HCN1: variants seen among roughly 807,000 people sequenced by gnomAD.
HCN1 encodes potassium/sodium hyperpolarization-activated cyclic nucleotide-gated channel 1.
In HCN1, 13 loss-of-function variants were observed where a neutral mutation model predicts 78.9. That is an observed-to-expected ratio of 0.16 (90% CI 0.11 to 0.26). The LOEUF (loss-of-function observed/expected upper bound fraction) is 0.26, where lower values mean the gene tolerates loss of function less well. HCN1 is among the 10% of genes least tolerant of loss of function. The pLI is 1.00. For missense variants in HCN1, 810 were observed against 1,154.3 expected, an observed-to-expected ratio of 0.70 and a Z score of 4.32; for synonymous variants, 552 against 455.5, an observed-to-expected ratio of 1.21 and a Z score of -2.70.
intron 5 of HCN1, among the ~76,000 whole-genome samples, chr5:45,325,166 T>C (rs879632731): frequency 1.3e-5 from 2 of 151,704 alleles, no homozygotes; most frequent in Non-Finnish European, 2.9e-5. Flanking sequence ...AAAGATGACA[T>C]TTGCATCTCT....
At chr5:45,293,872 AG>A (rs1167918705) in intron 6 of HCN1, among the ~76,000 whole-genome samples, 1 of 151,978 alleles carries the variant, frequency 6.6e-6, no homozygotes, top group Non-Finnish European at 1.5e-5. Context: ...TGACAAGAAA[AG>A]AAAAGATCTG....
intron 2 of HCN1, among the ~76,000 whole-genome samples, chr5:45,636,323 C>T (rs1165365234): frequency 6.6e-6 from 1 of 152,198 alleles, no homozygotes; most frequent in Non-Finnish European, 1.5e-5. Flanking sequence ...CAAATTTTGT[C>T]TCCAACTTTC....
At position 45,449,282 on chromosome 5, in the gene HCN1, A is replaced by G. The variant is rs933897505; in HGVS notation, c.1011+12564T>C. Among the ~76,000 whole-genome samples the G allele has an allele frequency of 2.0e-5, 3 of 152,212 alleles. No homozygotes were observed. In the East Asian group the frequency reaches 5.8e-4, roughly 29 times the overall value. On this transcript the variant is annotated intron_variant, in intron 3 of 7. Coordinates refer to ENST00000303230, the MANE Select transcript of HCN1 (RefSeq NM_021072.4). ...TAAGAGAACCAGTAGAGGAATCTAA[A>G]TAATCTAGTTCCAGGACTTGATTAT...
chr5:45,695,959 G>GC lies in HCN1; in HGVS notation c.134dup (p.Gly46ArgfsTer83), dbSNP rs1561248623. 4 of 1,329,228 alleles carry GC rather than the reference G, an allele frequency of 3.0e-6. No individual in the cohort carries two copies. The highest frequency in any genetic ancestry group is 4.0e-5 in the Admixed American group (1 of 25,044). The allele number at this position is 1,329,228 out of a possible 1,614,324, so 82.3% of individuals were successfully genotyped here. ...CGTGCTCCTTCGCGCCGGCCCCGCC[G>GC]CCCCCCGGCGGGGTGCCCAGGCGCT... is the stretch of plus-strand genomic sequence containing the variant. On this transcript the variant is annotated frameshift_variant, in exon 1 of 8. Transcript: ENST00000303230. LOFTEE classifies it high-confidence loss of function.
chr5:45,652,630 A>G (rs955516260), intron 1 of HCN1, among the ~76,000 whole-genome samples: 51 of 152,142 alleles, frequency 3.4e-4, no homozygotes, highest in Non-Finnish European at 1.2e-4. Context: ...ATAACTATAT[A>G]TCCTGTATAG....
chr5:45,448,123 A>G (rs1171142164), intron 3 of HCN1, among the ~76,000 whole-genome samples: 2 of 152,106 alleles, frequency 1.3e-5, no homozygotes, highest in African/African-American at 4.8e-5. Flanking sequence ...TTTGGTACAG[A>G]ATCTCACTTT....
chr5:45,550,335 A>G (rs552937157), intron 2 of HCN1, among the ~76,000 whole-genome samples: 2 of 152,200 alleles, frequency 1.3e-5, no homozygotes, highest in African/African-American at 4.8e-5. Flanking sequence ...TGATGAGTTC[A>G]TGTCCTTTGT....
intron 2 of HCN1, among the ~76,000 whole-genome samples, chr5:45,578,180 G>A (rs1478761396): frequency 1.3e-5 from 2 of 152,014 alleles, no homozygotes; most frequent in Non-Finnish European, 2.9e-5. Context: ...AGTGTCCTGA[G>A]AAGCCAAAAT....
At chr5:45,303,885 T>TA in intron 5 of HCN1, 46 bp from the exon 6 acceptor site, 2 of 1,532,532 alleles carry the variant, frequency 1.3e-6, no homozygotes, top group Non-Finnish European at 9.0e-7. Flanking sequence ...ATATTAATCA[T>TA]ATCTGGAAGA....
chr5:45,281,590 T>TC (rs1745169276), intron 6 of HCN1, among the ~76,000 whole-genome samples: 1 of 132,876 alleles, frequency 7.5e-6, no homozygotes, highest in African/African-American at 2.9e-5. Context: ...TTTTTTTTTT[T>TC]TTTTTTTTTT....
At chr5:45,316,877 A>G (rs1010299407) in intron 5 of HCN1, among the ~76,000 whole-genome samples, 1 of 152,210 alleles carries the variant, frequency 6.6e-6, no homozygotes, top group Non-Finnish European at 1.5e-5. Flanking sequence ...GGACCTCTTC[A>G]AGGAGAATTA....
rs796165673 is a variant in HCN1 at position 45,599,046 on chromosome 5, C to T, written c.849+46139G>A. Reference sequence around the variant, plus strand: ...CTAGAACTAGAAATACCATTTGACCCGGTGATCCCTTTATTGGGTACATAC... The same window carrying T: ...CTAGAACTAGAAATACCATTTGACCTGGTGATCCCTTTATTGGGTACATAC... On this transcript the variant is annotated intron_variant, in intron 2 of 7. Coordinates refer to ENST00000303230, the MANE Select transcript of HCN1 (RefSeq NM_021072.4). Among the ~76,000 whole-genome samples, 38 of 152,202 alleles carry T rather than the reference C, an allele frequency of 2.5e-4. 1 individual carries two copies. Among genetic ancestry groups the T allele is most frequent in the African/African-American group, 6.3e-4 (26 of 41,520 alleles).
intron 2 of HCN1, among the ~76,000 whole-genome samples, chr5:45,524,203 C>A (rs1742677459): frequency 6.6e-6 from 1 of 152,148 alleles, no homozygotes; most frequent in Non-Finnish European, 1.5e-5. Context: ...GGGCTCTGTT[C>A]TGTTCCATTG....
chr5:45,376,025 C>T (rs1488779105), intron 4 of HCN1, among the ~76,000 whole-genome samples: 1 of 110,310 alleles, frequency 9.1e-6, no homozygotes, highest in African/African-American at 3.8e-5. Context: ...CATATACAAT[C>T]TATAATATAA....
At chr5:45,628,052 T>G (rs1745201359) in intron 2 of HCN1, among the ~76,000 whole-genome samples, 1 of 152,112 alleles carries the variant, frequency 6.6e-6, no homozygotes, top group African/African-American at 2.4e-5. Context: ...CACACCAGAG[T>G]AGAGAACTCA....
At chr5:45,343,559 A>G (rs1746630834) in intron 5 of HCN1, among the ~76,000 whole-genome samples, 1 of 152,222 alleles carries the variant, frequency 6.6e-6, no homozygotes, top group East Asian at 1.9e-4. Context: ...ATAGGGCTAA[A>G]GTTTTACATT....
intron 6 of HCN1, among the ~76,000 whole-genome samples, chr5:45,298,640 G>T (rs1049301522): frequency 1.1e-4 from 17 of 151,858 alleles, no homozygotes; most frequent in Non-Finnish European, 1.3e-4. Context: ...GATACAAAAA[G>T]GATTGTATAA....
At chr5:45,536,199 T>C (rs1742966432) in intron 2 of HCN1, among the ~76,000 whole-genome samples, 2 of 152,198 alleles carry the variant, frequency 1.3e-5, no homozygotes, top group African/African-American at 4.8e-5. Context: ...TTTATTATTT[T>C]TGGTGTTTAC....
intron 3 of HCN1, among the ~76,000 whole-genome samples, chr5:45,456,094 G>C (rs1741024232): frequency 6.6e-6 from 1 of 151,682 alleles, no homozygotes; most frequent in Non-Finnish European, 1.5e-5. Flanking sequence ...TTGCTAGATT[G>C]GTTTACGCAT....
Sources: allele counts gnomAD v4.1 joint callset (sites outside exome capture counted in the v4.1 genomes callset), GRCh38; gene constraint gnomAD v4.1.1; transcripts MANE v1.5; gene names NCBI Gene and HGNC (gene_info 2026-07-23, HGNC 2026-07-21).